Variants in OPRM1 observed in about 807,000 individuals in gnomAD.
The protein encoded by OPRM1 is opioid receptor mu 1.
A neutral mutation model predicts 31.8 loss-of-function variants in OPRM1; 27 were observed. That is an observed-to-expected ratio of 0.85 (90% CI 0.63 to 1.17). The LOEUF (loss-of-function observed/expected upper bound fraction) is 1.17, where lower values mean the gene tolerates loss of function less well. Ranked by LOEUF, OPRM1 falls within the 50% of genes most tolerant of loss-of-function variation. OPRM1 has a pLI of 0.00. For synonymous variants in OPRM1, 196 were observed against 189.9 expected (o/e 1.03, Z -0.26); for missense variants, 536 against 511.1 (o/e 1.05, Z -0.47).
At chr6:154,041,282 G>A (rs1434458836) in intron 1 of OPRM1, among the ~76,000 whole-genome samples, 1 of 152,044 alleles carries the variant, frequency 6.6e-6, no homozygotes, top group Non-Finnish European at 1.5e-5. Flanking sequence ...TTGAGAGGAA[G>A]GCTAACAACA....
At chr6:154,015,519 CA>C (rs1221939353) in intron 1 of OPRM1, among the ~76,000 whole-genome samples, 3 of 151,820 alleles carry the variant, frequency 2.0e-5, no homozygotes, top group African/African-American at 7.3e-5. Context: ...CCGAAGGGAT[CA>C]AAAAGTAGAT....
At chr6:154,077,809 T>C (rs567998302) in intron 1 of OPRM1, among the ~76,000 whole-genome samples, 7 of 152,064 alleles carry the variant, frequency 4.6e-5, no homozygotes, top group African/African-American at 1.4e-4. Flanking sequence ...TCTTTCCCTC[T>C]TCATACCAAA....
At chr6:154,038,660 T>G (rs1562383538), upstream of OPRM1, among the ~76,000 whole-genome samples, 1 of 152,196 alleles carries the variant, frequency 6.6e-6, no homozygotes, top group Non-Finnish European at 1.5e-5. Context: ...TTAGTTGACT[T>G]TACTGGATGC....
At chr6:154,144,998 A>C (rs894050499) in intron 3 of OPRM1, among the ~76,000 whole-genome samples, 2 of 152,148 alleles carry the variant, frequency 1.3e-5, no homozygotes, top group African/African-American at 4.8e-5. Context: ...CTAGATTTAA[A>C]AAATATATAT....
chr6:154,244,033 G>A (rs149854407), intron 3 of OPRM1, among the ~76,000 whole-genome samples: 11 of 151,848 alleles, frequency 7.2e-5, no homozygotes, highest in African/African-American at 1.7e-4. Context: ...GTGTAGGGAC[G>A]GGGCTGGTTG....
intron 3 of OPRM1, among the ~76,000 whole-genome samples, chr6:154,145,992 T>C (rs1422386759): frequency 1.3e-5 from 2 of 152,256 alleles, no homozygotes; most frequent in Non-Finnish European, 2.9e-5. Flanking sequence ...ATTCAAAAAG[T>C]ATCATACTGT....
At chr6:154,046,860 A>G (rs944690371) in intron 1 of OPRM1, 3 of 152,222 alleles carry the variant, frequency 2.0e-5, no homozygotes, top group African/African-American at 7.2e-5. Flanking sequence ...CTAGTACTAA[A>G]ATGTCCTATG....
intron 3 of OPRM1, among the ~76,000 whole-genome samples, chr6:154,152,339 G>GAAAAGAAAAGA (rs750969208): frequency 5.5e-5 from 2 of 36,268 alleles, no homozygotes; most frequent in African/African-American, 9.1e-5. Flanking sequence ...AAGAAAGAAA[G>GAAAAGAAAAGA]AAAGAAAGGA....
intron 3 of OPRM1, among the ~76,000 whole-genome samples, chr6:154,237,483 T>TA (rs1780229514): frequency 6.6e-6 from 1 of 152,248 alleles, no homozygotes; most frequent in African/African-American, 2.4e-5. Flanking sequence ...TCCTGCATCC[T>TA]AAAATCTCAA....
intron 3 of OPRM1, among the ~76,000 whole-genome samples, chr6:154,194,938 T>C (rs1477799815): frequency 6.6e-6 from 1 of 152,024 alleles, no homozygotes; most frequent in Non-Finnish European, 1.5e-5. Flanking sequence ...TAGGTAATGT[T>C]CTAGGAACAA....
At position 154,128,614 on chromosome 6, in the gene OPRM1, A is replaced by G. The variant is rs532324024; in HGVS notation, c.*9893A>G. ...CTCACAGTAGGAAATTGAGAGATCA[A>G]TTTGGTTACTGTTTTATCATTGATC... On this transcript the variant is annotated 3_prime_UTR_variant, in exon 4 of 4. Transcript: ENST00000330432. Among the ~76,000 whole-genome samples, 82 of 152,306 alleles carry G rather than the reference A, an allele frequency of 5.4e-4. 1 individual carries two copies. The highest frequency in any genetic ancestry group is 6.8e-3 in the Middle Eastern group (2 of 294).
Position 154,119,979 on chromosome 6 carries a change from T to C in OPRM1, c.*1258T>C, listed in dbSNP as rs565703454. ...TAAGACAATTCTCCGCTTTAACTGA[T>C]TTTCTTTGTTGTGAAACACAGTAGA... On this transcript the variant is annotated 3_prime_UTR_variant, in exon 4 of 4. Transcript: ENST00000330432. 1.3e-5 allele frequency among the ~76,000 whole-genome samples: 2 copies of C among 152,314 alleles called. No individual in the cohort carries two copies. The highest frequency in any genetic ancestry group is 4.1e-4 in the South Asian group (2 of 4,824).
chr6:154,116,125 C>A (rs758287756), intron 3 of OPRM1, among the ~76,000 whole-genome samples: 1 of 152,110 alleles, frequency 6.6e-6, no homozygotes, highest in Non-Finnish European at 1.5e-5. Context: ...GAATCCTCAA[C>A]CTTGGAGGGA....
At chr6:154,085,871 C>A (rs1790412032) in intron 1 of OPRM1, among the ~76,000 whole-genome samples, 1 of 146,208 alleles carries the variant, frequency 6.8e-6, no homozygotes, top group Non-Finnish European at 1.5e-5. Context: ...CACATCAGAA[C>A]AGAATGAAAG....
intron 3 of OPRM1, chr6:154,107,324 G>A: frequency 1.6e-6 from 1 of 613,998 alleles, no homozygotes; most frequent in South Asian, 2.0e-5. Context: ...TATGCCAAAA[G>A]GCCGGTATTT....
intron 3 of OPRM1, among the ~76,000 whole-genome samples, chr6:154,184,489 C>T (rs1801165841): frequency 6.6e-6 from 1 of 151,932 alleles, no homozygotes; most frequent in African/African-American, 2.4e-5. Context: ...ATTCTATTTA[C>T]ATTTTTTTTA....
intron 3 of OPRM1, among the ~76,000 whole-genome samples, chr6:154,175,645 AC>A (rs1395939668): frequency 6.6e-6 from 1 of 152,164 alleles, no homozygotes; most frequent in East Asian, 1.9e-4. Context: ...CTCTGAATAG[AC>A]TAAAAATAGC....
intron 3 of OPRM1, among the ~76,000 whole-genome samples, chr6:154,162,472 A>T (rs1799105213): frequency 2.0e-5 from 3 of 152,216 alleles, no homozygotes; most frequent in Non-Finnish European, 4.4e-5. Flanking sequence ...CATTAAATCA[A>T]TGTTAAACCA....
At position 154,241,241 on chromosome 6, in the gene OPRM1, A is replaced by G. The variant is rs533185005; in HGVS notation, c.1165-5452A>G. ...CAAAGTGAGACTCCATCTCAAAAAA[A>G]AAAAAAAAAAAAAGAGAGAGAGAGA... is the stretch of plus-strand genomic sequence containing the variant. On this transcript the variant is annotated intron_variant, in intron 3 of 3. Transcript: ENST00000337049. 7.9e-5 allele frequency among the ~76,000 whole-genome samples: 12 copies of G among 151,668 alleles called. 1 individual carries two copies. In the South Asian group the frequency reaches 2.5e-3, roughly 32 times the overall value.
Sources: allele counts gnomAD v4.1 joint callset (sites outside exome capture counted in the v4.1 genomes callset), GRCh38; gene constraint gnomAD v4.1.1; transcripts MANE v1.5; gene names NCBI Gene and HGNC (gene_info 2026-07-23, HGNC 2026-07-21).